Variants in DLGAP4 observed in about 807,000 individuals in gnomAD.
The protein encoded by DLGAP4 is DLG associated protein 4.
A neutral mutation model predicts 86.9 loss-of-function variants in DLGAP4; 18 were observed. The observed-to-expected ratio is 0.21, with a 90% CI of 0.14 to 0.31. DLGAP4 has a LOEUF of 0.31. Ranked by LOEUF, DLGAP4 falls within the 10% of genes least tolerant of loss-of-function variation. The pLI is 1.00. For missense variants in DLGAP4, 1,085 were observed against 1,362.6 expected (o/e 0.80, Z 3.21); for synonymous variants, 548 against 574.3 (o/e 0.95, Z 0.65).
At chr20:36,343,273 C>G (rs977929331) in intron 1 of DLGAP4, among the ~76,000 whole-genome samples, 3 of 152,174 alleles carry the variant, frequency 2.0e-5, no homozygotes, top group East Asian at 3.9e-4. Context: ...GGCTTGGACC[C>G]AGGGTGGCCA....
intron 10 of DLGAP4, among the ~76,000 whole-genome samples, chr20:36,501,266 A>G (rs1424867012): frequency 3.9e-5 from 6 of 151,936 alleles, no homozygotes; most frequent in Non-Finnish European, 8.8e-5. Context: ...GGGTTTCACC[A>G]TGTTGGCCAG....
chr20:36,360,807 T>G (rs1393506157), intron 1 of DLGAP4, among the ~76,000 whole-genome samples: 1 of 151,732 alleles, frequency 6.6e-6, no homozygotes, highest in African/African-American at 2.4e-5. Context: ...TGCCTACTTT[T>G]CTAGCTTGGG....
intron 7 of DLGAP4, among the ~76,000 whole-genome samples, chr20:36,463,010 T>A (rs1308273121): frequency 1.1e-4 from 2 of 18,822 alleles, no homozygotes; most frequent in South Asian, 1.6e-3. Context: ...TGCAGGGGGG[T>A]GGGGGTGGGG....
chr20:36,397,873 G>A (rs540449616), intron 2 of DLGAP4, among the ~76,000 whole-genome samples: 13 of 152,356 alleles, frequency 8.5e-5, no homozygotes, highest in South Asian at 4.1e-4. Context: ...TGTAATCCCA[G>A]CACTTTGGGA....
chr20:36,425,756 G>C (rs2032958268), intron 2 of DLGAP4, among the ~76,000 whole-genome samples: 1 of 152,164 alleles, frequency 6.6e-6, no homozygotes, highest in African/African-American at 2.4e-5. Flanking sequence ...AGGAGGCGGA[G>C]GTTGCAGTGA....
intron 7 of DLGAP4, among the ~76,000 whole-genome samples, chr20:36,476,983 A>G (rs1263150745): frequency 1.3e-5 from 2 of 151,964 alleles, no homozygotes; most frequent in Non-Finnish European, 2.9e-5. Flanking sequence ...GTGAGCTACC[A>G]TGCCCAGCCC....
At chr20:36,380,571 G>A (rs1245261760) in intron 2 of DLGAP4, among the ~76,000 whole-genome samples, 4 of 147,952 alleles carry the variant, frequency 2.7e-5, no homozygotes, top group African/African-American at 1.0e-4. Flanking sequence ...CTGGATGAGA[G>A]AGCAAGACCC....
chr20:36,347,684 AACATGGTG>A (rs1270250381), intron 1 of DLGAP4, among the ~76,000 whole-genome samples: 1 of 151,236 alleles, frequency 6.6e-6, no homozygotes, highest in Non-Finnish European at 1.5e-5. Context: ...AAATTAGCCC[AACATGGTG>A]ACATGCACCT....
intron 2 of DLGAP4, among the ~76,000 whole-genome samples, chr20:36,384,091 TTGC>T (rs2031508633): frequency 1.3e-5 from 2 of 150,456 alleles, no homozygotes; most frequent in African/African-American, 4.9e-5. Flanking sequence ...GAAGCTTTCA[TTGC>T]CACCTCAGCA....
chr20:36,476,188 A>T (rs748623219), intron 7 of DLGAP4, among the ~76,000 whole-genome samples: 25 of 151,924 alleles, frequency 1.6e-4, no homozygotes, highest in Non-Finnish European at 3.7e-4. Context: ...ATTGGCACTA[A>T]GTACATTCCC....
At chr20:36,413,360 C>A (rs181945564) in intron 2 of DLGAP4, among the ~76,000 whole-genome samples, 135 of 151,672 alleles carry the variant, frequency 8.9e-4, no homozygotes, top group Non-Finnish European at 1.7e-3. Flanking sequence ...TCCTCCCTAG[C>A]CTCTGGCAAT....
chr20:36,385,569 G>A (rs2031565962), intron 2 of DLGAP4, among the ~76,000 whole-genome samples: 1 of 152,188 alleles, frequency 6.6e-6, no homozygotes, highest in African/African-American at 2.4e-5. Context: ...GGCAGCACCT[G>A]GCAGTCCCAG....
At chr20:36,525,440 T>G (rs2037690145) in intron 11 of DLGAP4, 2 of 252,460 alleles carry the variant, frequency 7.9e-6, no homozygotes, top group Non-Finnish European at 7.9e-6. Flanking sequence ...ACTTGGGGGT[T>G]GCGTTGTCAT....
chr20:36,347,951 GT>G (rs2030000791), intron 1 of DLGAP4, among the ~76,000 whole-genome samples: 1 of 152,098 alleles, frequency 6.6e-6, no homozygotes. Context: ...TCAATAAAGA[GT>G]TGTTACTGTG....
At chr20:36,391,020 G>C (rs1856585855) in intron 2 of DLGAP4, among the ~76,000 whole-genome samples, 2 of 152,282 alleles carry the variant, frequency 1.3e-5, no homozygotes, top group South Asian at 4.1e-4. Context: ...CTCTGGCCTT[G>C]ACCCAGATGG....
At chr20:36,523,204 T>G (rs925511984) in intron 10 of DLGAP4, among the ~76,000 whole-genome samples, 11 of 151,976 alleles carry the variant, frequency 7.2e-5, no homozygotes, top group Non-Finnish European at 1.5e-4. Flanking sequence ...AGATGCGCAC[T>G]AGCACACCCA....
intron 2 of DLGAP4, among the ~76,000 whole-genome samples, chr20:36,371,557 G>A (rs756126653): frequency 8.5e-5 from 13 of 152,224 alleles, no homozygotes; most frequent in Non-Finnish European, 2.9e-5. Flanking sequence ...GCATCCAGCC[G>A]TGCTGGACAG....
intron 5 of DLGAP4, 78 bp downstream of exon 5, chr20:36,439,946 C>A: frequency 1.6e-6 from 2 of 1,286,662 alleles, no homozygotes; most frequent in Non-Finnish European, 1.1e-6. Flanking sequence ...CACGCCCAGG[C>A]CCAGCCCATG....
chr20:36,452,826 C>CTTTTTTT (rs1233444372), intron 7 of DLGAP4, among the ~76,000 whole-genome samples: 4 of 90,782 alleles, frequency 4.4e-5, no homozygotes, highest in African/African-American at 4.6e-5. Context: ...TTGTGTAAGT[C>CTTTTTTT]TTTTTTTTTT....
Sources: gnomAD v4.1 joint callset for allele counts (sites outside exome capture counted in the v4.1 genomes callset) on GRCh38, gnomAD v4.1.1 for gene constraint, MANE v1.5 for transcripts, NCBI Gene and HGNC (gene_info 2026-07-23, HGNC 2026-07-21) for gene names.